NWD2: variants seen among roughly 807,000 people sequenced by gnomAD.
The protein encoded by NWD2 is NACHT and WD repeat domain containing 2, also known as NACHT and WD repeat domain-containing protein 2.
NWD2 carries 37 observed loss-of-function variants against 132.7 expected under a neutral mutation model. That is an observed-to-expected ratio of 0.28 (90% CI 0.21 to 0.37). The LOEUF is 0.37. Among genes scored for constraint, NWD2 ranks in the 10% least tolerant of loss-of-function variants. NWD2 has a pLI of 1.00. For missense variants in NWD2, 1,592 were observed against 2,122.4 expected (o/e 0.75, Z 4.91); for synonymous variants, 705 against 803.0 (o/e 0.88, Z 2.06).
At chr4:37,437,120 G>A (rs1264585034) in intron 5 of NWD2, among the ~76,000 whole-genome samples, 1 of 151,954 alleles carries the variant, frequency 6.6e-6, no homozygotes, top group African/African-American at 2.4e-5. Context: ...CAGAATATAT[G>A]TATATATATT....
intron 2 of NWD2, among the ~76,000 whole-genome samples, chr4:37,327,371 T>C (rs2109288398): frequency 6.6e-6 from 1 of 152,268 alleles, no homozygotes; most frequent in South Asian, 2.1e-4. Flanking sequence ...AGAAGATGGA[T>C]ACAGGCAAAG....
At chr4:37,246,434 G>C (rs763231558) in intron 1 of NWD2, among the ~76,000 whole-genome samples, 6 of 152,210 alleles carry the variant, frequency 3.9e-5, no homozygotes, top group Non-Finnish European at 8.8e-5. Flanking sequence ...GTATTAGAAA[G>C]ACGATATACT....
intron 3 of NWD2, among the ~76,000 whole-genome samples, chr4:37,376,564 AGGCTGACAT>A (rs1287817465): frequency 1.3e-5 from 2 of 152,192 alleles, no homozygotes; most frequent in African/African-American, 4.8e-5. Flanking sequence ...TTGTTCTCAA[AGGCTGACAT>A]GGAAAGTTTC....
intron 2 of NWD2, among the ~76,000 whole-genome samples, chr4:37,347,749 A>G (rs1232927831): frequency 1.3e-5 from 2 of 152,232 alleles, no homozygotes; most frequent in Non-Finnish European, 2.9e-5. Flanking sequence ...AGATCAGAGA[A>G]GAGCAAGTAT....
rs1346935074 is a variant in NWD2, at chr4:37,438,856, G to A, written c.762G>A (p.Lys254=). 1 of 1,551,706 alleles carries A rather than the reference G, an allele frequency of 6.4e-7. No individual in the cohort carries two copies. Among genetic ancestry groups the A allele is most frequent in the Admixed American group, 2.0e-5 (1 of 50,982 alleles). ...ALGKQTPAFL[K]KCVCYIRKIA... is the part of the protein sequence containing the mutation. ...GAAAACAAACTCCAGCATTTCTAAAGAAGTGTGTTTGCTACATTAGGAAAA... is the reference window on the plus strand; with the variant it reads ...GAAAACAAACTCCAGCATTTCTAAAAAAGTGTGTTTGCTACATTAGGAAAA... Residue 254 remains lysine, a synonymous_variant, in exon 6 of 7, where the codon AAG becomes AAA. Transcript: ENST00000309447.
intron 3 of NWD2, among the ~76,000 whole-genome samples, chr4:37,415,635 T>C (rs4470639): frequency 0.21 from 30,538 of 146,878 alleles, 4,744 homozygotes; most frequent in African/African-American, 0.44. Context: ...ACCTGCGAGG[T>C]GGAGCTTGCA....
intron 1 of NWD2, among the ~76,000 whole-genome samples, chr4:37,324,027 T>A (rs891046713): frequency 2.0e-5 from 3 of 152,096 alleles, no homozygotes; most frequent in African/African-American, 7.2e-5. Flanking sequence ...CAATAGACAC[T>A]GTGGACAGCT....
chr4:37,444,358 C>A lies in NWD2; in HGVS notation c.2370C>A (p.Asn790Lys). ...TGAATGGCTGCCTTGACTTGGAGAACAGAAGTTTGCTGGAGGAAGAAAAGC... is the reference window on the plus strand; with the variant it reads ...TGAATGGCTGCCTTGACTTGGAGAAAAGAAGTTTGCTGGAGGAAGAAAAGC... ...PYLNGCLDLE[N>K]RSLLEEEKHF... Residue 790 changes from asparagine (N) to lysine (K), a missense_variant, in exon 7 of 7, where the codon AAC becomes AAA. Asn to Lys is a moderately conservative substitution (Grantham distance 94, BLOSUM62 0). This residue lies in a region of NWD2 where 1,071 missense variants were observed against 1,398.0 expected (regional missense o/e 0.77). Transcript: ENST00000309447. The surrounding 1 kb of genome is among the most constrained non-coding windows in gnomAD (Gnocchi z 4.8). 6.4e-7 allele frequency: 1 copy of A among 1,552,026 alleles called. No individual in the cohort carries two copies. The highest frequency in any genetic ancestry group is 8.7e-7 in the Non-Finnish European group (1 of 1,147,090).
intron 1 of NWD2, among the ~76,000 whole-genome samples, chr4:37,262,840 G>A (rs896383342): frequency 5.9e-5 from 9 of 152,110 alleles, no homozygotes; most frequent in African/African-American, 2.2e-4. Context: ...AGTCCAGCTT[G>A]GTCTCTGGAT....
At chr4:37,245,520 G>T (rs183805756) in intron 1 of NWD2, among the ~76,000 whole-genome samples, 3 of 149,710 alleles carry the variant, frequency 2.0e-5, no homozygotes, top group African/African-American at 4.9e-5. Context: ...TTCTGCCGCC[G>T]CCGCCACCAC....
chr4:37,363,611 A>G (rs1720025874), intron 3 of NWD2, among the ~76,000 whole-genome samples: 1 of 152,174 alleles, frequency 6.6e-6, no homozygotes, highest in African/African-American at 2.4e-5. Context: ...TAAAGCTGGC[A>G]ACAATAGAAA....
chr4:37,420,355 CT>C, intron 3 of NWD2, among the ~76,000 whole-genome samples: 1 of 152,304 alleles, frequency 6.6e-6, no homozygotes, highest in East Asian at 1.9e-4. Flanking sequence ...GCCCCTCAAA[CT>C]ATCTAATCCA....
chr4:37,377,378 C>T lies in NWD2; in HGVS notation c.357+20896C>T, dbSNP rs1720366586. ...ATTCACTCATAAGGTTTTATGAAGA[C>T]CTGCAAATGTCCACGTAATTTTTTT... On this transcript the variant is annotated intron_variant, in intron 3 of 6. Coordinates refer to ENST00000309447, the MANE Select transcript of NWD2 (RefSeq NM_001144990.2). Among the ~76,000 whole-genome samples, 4 of 152,106 alleles carry T rather than the reference C, an allele frequency of 2.6e-5. No individual in the cohort carries two copies. The South Asian group carries it at 8.3e-4, about 32-fold the overall frequency.
Position 37,412,079 on chromosome 4 carries a change from C to A in NWD2, c.358-18493C>A, listed in dbSNP as rs564597572. The stretch of plus-strand genomic sequence containing the variant: ...ATTCCCTTTGAAAATGGGCACAAGA[C>A]AAGGATGCCCTCTCTCATCACTCCT... On this transcript the variant is annotated intron_variant, in intron 3 of 6. Coordinates refer to ENST00000309447, the MANE Select transcript of NWD2 (RefSeq NM_001144990.2). Among the ~76,000 whole-genome samples, 5 of 152,246 alleles carry A rather than the reference C, an allele frequency of 3.3e-5. No homozygotes were observed. The South Asian group carries it at 1.0e-3, about 32-fold the overall frequency.
At chr4:37,418,196 G>T (rs567325599) in intron 3 of NWD2, among the ~76,000 whole-genome samples, 1 of 152,140 alleles carries the variant, frequency 6.6e-6, no homozygotes, top group Non-Finnish European at 1.5e-5. Context: ...GGAAGCCAAC[G>T]AAAGAGCTCC....
At chr4:37,311,345 T>A (rs1258226454) in intron 1 of NWD2, among the ~76,000 whole-genome samples, 15 of 151,844 alleles carry the variant, frequency 9.9e-5, no homozygotes, top group East Asian at 1.9e-4. Flanking sequence ...GTGAGATGGT[T>A]TCTCATTGTG....
chr4:37,297,147 A>G (rs1718511829), intron 1 of NWD2, among the ~76,000 whole-genome samples: 1 of 152,006 alleles, frequency 6.6e-6, no homozygotes. Context: ...CTCTGTATCC[A>G]TGGGGGATTG....
At chr4:37,371,878 T>C (rs1560406683) in intron 3 of NWD2, among the ~76,000 whole-genome samples, 1 of 152,208 alleles carries the variant, frequency 6.6e-6, no homozygotes, top group Non-Finnish European at 1.5e-5. Flanking sequence ...TATTTTAACA[T>C]TTTTTTCTAG....
At chr4:37,431,247 T>G (rs1396773834) in intron 4 of NWD2, among the ~76,000 whole-genome samples, 1 of 152,184 alleles carries the variant, frequency 6.6e-6, no homozygotes, top group Non-Finnish European at 1.5e-5. Flanking sequence ...GGAAACAGTC[T>G]AAGTGTCTGT....
Sources: gnomAD v4.1 joint callset for allele counts (sites outside exome capture counted in the v4.1 genomes callset) on GRCh38, gnomAD v4.1.1 for gene constraint, gnomAD v4.1.1 regional missense constraint, Gnocchi (gnomAD v3.1) non-coding constraint, MANE v1.5 for transcripts, NCBI Gene and HGNC (gene_info 2026-07-23, HGNC 2026-07-21) for gene names.